Variants in LILRA1 observed in about 807,000 individuals in gnomAD.
LILRA1 encodes leukocyte immunoglobulin like receptor A1, also known as leukocyte immunoglobulin-like receptor subfamily A member 1.
Under a neutral mutation model 51.6 loss-of-function variants are expected in LILRA1, and 51 were observed. The ratio of observed to expected loss-of-function variants is 0.99; its 90% confidence interval spans 0.79 to 1.25. LILRA1 has a LOEUF of 1.25. Among genes scored for constraint, LILRA1 ranks in the 50% most tolerant of loss-of-function variants. The probability of loss-of-function intolerance (pLI) is 0.00; values close to 1 mark genes in which losing one functional copy is unlikely to be tolerated. For synonymous variants in LILRA1, 305 were observed against 248.4 expected, an observed-to-expected ratio of 1.23 and a Z score of -2.14; for missense variants, 660 against 611.7, an observed-to-expected ratio of 1.08 and a Z score of -0.83.
chr19:54,599,671 A>C (rs1290050878), intron 8 of LILRA1: 1 of 775,498 alleles, frequency 1.3e-6, no homozygotes, highest in Non-Finnish European at 1.6e-6. Flanking sequence ...TTAAATGTCA[A>C]TATATATGTT....
In LILRA1 at chr19:54,594,845, C is replaced by A. The variant is rs780771279; in HGVS notation, c.251C>A (p.Pro84His). Reference sequence around the variant, plus strand: ...GAGATTGTGAAGAAGGGCCAGTTCCCCATCCCATCCATCACCTGGGAACAC... The same window carrying A: ...GAGATTGTGAAGAAGGGCCAGTTCCACATCCCATCCATCACCTGGGAACAC... ...PQEIVKKGQF[P>H]IPSITWEHTG... The change falls in exon 4 of 10, where the codon CCC (proline) becomes CAC (histidine). Residue 84 changes from proline to histidine, a missense_variant. Transcript: ENST00000251372. 117 of 1,614,030 alleles carry A rather than the reference C, an allele frequency of 7.2e-5. No individual in the cohort carries two copies. The South Asian group carries it at 9.2e-4, about 13-fold the overall frequency.
chr19:54,597,231 T>A lies in LILRA1; in HGVS notation c.1261+740T>A, dbSNP rs1415372998. Among the ~76,000 whole-genome samples, 3 of 152,150 alleles carry A rather than the reference T, an allele frequency of 2.0e-5. 1 individual carries two copies. Among genetic ancestry groups the A allele is most frequent in the African/African-American group, 7.2e-5 (3 of 41,408 alleles). ...AATGCTACCTCTAATATTCAGGGTCTGATTTCCAGGGCAGCAGAGGGGAGG... is the reference window on the plus strand; with the variant it reads ...AATGCTACCTCTAATATTCAGGGTCAGATTTCCAGGGCAGCAGAGGGGAGG... On this transcript the variant is annotated intron_variant, in intron 7 of 9. Coordinates refer to ENST00000251372, the MANE Select transcript of LILRA1 (RefSeq NM_006863.4).
chr19:54,599,500 A>T (rs2063127883), intron 8 of LILRA1: 1 of 1,215,536 alleles, frequency 8.2e-7, no homozygotes, highest in African/African-American at 1.6e-5. Flanking sequence ...TACTGCTTTG[A>T]GTATATTCAT....
intron 3 of LILRA1, 58 bp downstream of exon 3, chr19:54,594,534 C>T: frequency 1.9e-6 from 3 of 1,612,724 alleles, no homozygotes; most frequent in South Asian, 1.1e-5. Context: ...AAGGGGCCAC[C>T]CCCGTGCAGC....
rs765709845 is a variant in LILRA1 at position 54,594,912 on chromosome 19, C to A, written c.318C>A (p.Gly106=). ...YRCFYGSHTA[G]WSEPSDPLEL... ...GTTTCTACGGTAGCCACACTGCAGGCTGGTCAGAGCCCAGTGACCCCCTGG... is the reference window on the plus strand; with the variant it reads ...GTTTCTACGGTAGCCACACTGCAGGATGGTCAGAGCCCAGTGACCCCCTGG... The change falls in exon 4 of 10, where the codon GGC becomes GGA. Residue 106 remains glycine, a synonymous_variant. Coordinates refer to ENST00000251372, the MANE Select transcript of LILRA1 (RefSeq NM_006863.4). 1 of 1,614,062 alleles carries A rather than the reference C, an allele frequency of 6.2e-7. No individual in the cohort carries two copies. Among genetic ancestry groups the A allele is most frequent in the South Asian group, 1.1e-5 (1 of 91,076 alleles).
chr19:54,597,567 G>T (rs758783962), intron 7 of LILRA1, among the ~76,000 whole-genome samples: 2 of 152,100 alleles, frequency 1.3e-5, no homozygotes, highest in Non-Finnish European at 2.9e-5. Flanking sequence ...GGGAGAACAG[G>T]TCGGGTCAGC....
At chr19:54,598,920 C>T (rs911366044) in intron 7 of LILRA1, among the ~76,000 whole-genome samples, 4 of 152,070 alleles carry the variant, frequency 2.6e-5, no homozygotes, top group Non-Finnish European at 4.4e-5. Flanking sequence ...CTCAGCCTCC[C>T]GAGTAGCTGG....
chr19:54,600,399 G>T (rs1423266222), intron 8 of LILRA1, 113 bp from the exon 9 acceptor site: 2 of 971,010 alleles, frequency 2.1e-6, no homozygotes, highest in East Asian at 2.4e-5. Flanking sequence ...ACACAGGAAG[G>T]GTTTATTGAG....
At chr19:54,600,024 T>C (rs2063136186) in intron 8 of LILRA1, among the ~76,000 whole-genome samples, 2 of 152,176 alleles carry the variant, frequency 1.3e-5, no homozygotes, top group African/African-American at 4.8e-5. Context: ...AGAGATTAAA[T>C]GGAAGATGAA....
chr19:54,594,387 G>C, intron 2 of LILRA1, 54 bp from the exon 3 acceptor site: 10 of 1,614,196 alleles, frequency 6.2e-6, no homozygotes, highest in Non-Finnish European at 7.6e-6. Flanking sequence ...CCCAGGGAGG[G>C]GAGGACCTGC....
chr19:54,595,240 T>C lies in LILRA1; in HGVS notation c.499T>C (p.Cys167Arg), dbSNP rs1463326816. 12 of 1,613,942 alleles carry C rather than the reference T, an allele frequency of 7.4e-6. No individual in the cohort carries two copies. The highest frequency in any genetic ancestry group is 1.7e-5 in the Admixed American group (1 of 59,986). The change falls in exon 5 of 10, where the codon TGC becomes CGC. Residue 167 changes from cysteine to arginine, a missense_variant. Coordinates refer to ENST00000251372, the MANE Select transcript of LILRA1 (RefSeq NM_006863.4). ...GGAAGGAGAAGATGAACACCCACAA[T>C]GCCTGAACTCACAGCCCCGTACCCA... is the stretch of plus-strand genomic sequence containing the variant. ...CKEGEDEHPQ[C>R]LNSQPRTHGW...
chr19:54,598,017 A>T (rs2063095487), intron 7 of LILRA1, among the ~76,000 whole-genome samples: 1 of 147,876 alleles, frequency 6.8e-6, no homozygotes, highest in Non-Finnish European at 1.5e-5. Flanking sequence ...CTCAACCCTC[A>T]CCACAGTCAG....
rs532196859 is a variant in LILRA1 at position 54,593,638 on chromosome 19, C to G, written c.-192C>G. 27 of 401,836 alleles carry G rather than the reference C, an allele frequency of 6.7e-5. No homozygotes were observed. Among genetic ancestry groups the G allele is most frequent in the Non-Finnish European group, 1.2e-4 (23 of 196,456 alleles). The allele number at this position is 401,836 out of a possible 1,614,324, so 24.9% of individuals were successfully genotyped here. ...TTTCTTCCCCTATTTCCCTGCATTT[C>G]TCCTCTGTGCTCACTGCCACACGCA... On this transcript the variant is annotated 5_prime_UTR_variant, in exon 1 of 10. Transcript: ENST00000251372.
At position 54,599,483 on chromosome 19, in the gene LILRA1, A is replaced by T. The variant is rs2063127680; in HGVS notation, c.1312+197A>T. 2.4e-6 allele frequency: 3 copies of T among 1,242,010 alleles called. No individual in the cohort carries two copies. In the African/African-American group the frequency reaches 4.7e-5, roughly 19 times the overall value. 76.9% of individuals were successfully genotyped at this position (1,242,010 alleles called of 1,614,324 possible). The stretch of plus-strand genomic sequence containing the variant: ...TTAAAATAAGAGATAACTATCCATG[A>T]GAAAGCTACTGCTTTGAGTATATTC... On this transcript the variant is annotated intron_variant, in intron 8 of 9. Transcript: ENST00000251372.
In LILRA1 at chr19:54,594,264, T is replaced by A. The variant is rs752454904; in HGVS notation, c.20T>A (p.Val7Asp). MTPIVT[V>D]LICLRLSLGP... ...GACGCTATGACCCCCATCGTCACAGTCCTGATCTGTCTCAGTGAGATTTGA... is the reference window on the plus strand; with the variant it reads ...GACGCTATGACCCCCATCGTCACAGACCTGATCTGTCTCAGTGAGATTTGA... The change falls in exon 2 of 10, where the codon GTC (valine) becomes GAC (aspartate). Residue 7 changes from valine (V) to aspartate (D), a missense_variant. By Grantham distance (152) the Val-to-Asp change is radical (BLOSUM62 -3). Transcript: ENST00000251372. 3.7e-6 allele frequency: 6 copies of A among 1,612,044 alleles called. No individual in the cohort carries two copies. Among genetic ancestry groups the A allele is most frequent in the Non-Finnish European group, 5.1e-6 (6 of 1,179,366 alleles).
rs762416249 is a variant in LILRA1, at chr19:54,596,378, C to T, written c.1148C>T (p.Pro383Leu). The change falls in exon 7 of 10, where the codon CCT becomes CTT. Residue 383 changes from proline (P) to leucine (L), a missense_variant. Pro to Leu is a moderately conservative substitution (Grantham distance 98). Transcript: ENST00000251372. ...TATCCTAAGTACCAGGCTGAATTCC[C>T]TATGAGTCCTGTGACCTCAGCCCAC... Reference protein sequence around the residue: ...HEYPKYQAEFPMSPVTSAHSG... With the variant: ...HEYPKYQAEFLMSPVTSAHSG... 1 of 1,614,094 alleles carries T rather than the reference C, an allele frequency of 6.2e-7. No homozygotes were observed. Among genetic ancestry groups the T allele is most frequent in the Admixed American group, 1.7e-5 (1 of 60,018 alleles).
intron 7 of LILRA1, among the ~76,000 whole-genome samples, chr19:54,597,204 T>C (rs776789064): frequency 1.3e-5 from 2 of 152,138 alleles, no homozygotes; most frequent in Non-Finnish European, 2.9e-5. Flanking sequence ...TAGACTCATC[T>C]CAATGCTACC....
Position 54,595,645 on chromosome 19 carries a change from C to T in LILRA1, c.668C>T (p.Ser223Phe). 6.2e-7 allele frequency: 1 copy of T among 1,606,040 alleles called. No individual in the cohort carries two copies. The highest frequency in any genetic ancestry group is 8.5e-7 in the Non-Finnish European group (1 of 1,174,402). The change falls in exon 6 of 10, where the codon TCT becomes TTT. Residue 223 changes from serine to phenylalanine, a missense_variant. Physicochemically the swap from Ser to Phe is radical, Grantham distance 155. Coordinates refer to ENST00000251372, the MANE Select transcript of LILRA1 (RefSeq NM_006863.4). ...CATGAGCACCTTTTCCCAGGTGTTT[C>T]TAAGAAGCCATCACTCTCAGTGCAG... is the stretch of plus-strand genomic sequence containing the variant. ...DLLELLVLGV[S>F]KKPSLSVQPG...
Position 54,600,796 on chromosome 19 carries a change from G to C in LILRA1, c.1449G>C (p.Gln483His). The C allele has an allele frequency of 6.2e-7, 1 of 1,614,110 alleles. No individual in the cohort carries two copies. Among genetic ancestry groups the C allele is most frequent in the African/African-American group, 1.3e-5 (1 of 75,008 alleles). Residue 483 changes from glutamine to histidine, a missense_variant, in exon 10 of 10, where the codon CAG becomes CAC. Gln to His is a conservative substitution (Grantham distance 24, BLOSUM62 0). Transcript: ENST00000251372. ...VVLGILLFEA[Q>H]HSQRSL ...TCGGGATTCTGCTATTTGAGGCTCA[G>C]CACAGCCAGAGAAGCCTCTGAGATG...
Sources: allele counts gnomAD v4.1 joint callset (sites outside exome capture counted in the v4.1 genomes callset), GRCh38; gene constraint gnomAD v4.1.1; transcripts MANE v1.5; gene names NCBI Gene and HGNC (gene_info 2026-07-23, HGNC 2026-07-21).